The following PAK5 variants were observed in gnomAD, a reference collection of about 807,000 sequenced individuals.
The protein encoded by PAK5 is serine/threonine-protein kinase PAK 5.
PAK5 carries 16 observed loss-of-function variants against 65.9 expected under a neutral mutation model. That is an observed-to-expected ratio of 0.24 (90% CI 0.16 to 0.37). The LOEUF (loss-of-function observed/expected upper bound fraction) is 0.37. PAK5 is among the 10% of genes least tolerant of loss of function. The pLI is 1.00. For synonymous variants in PAK5, 371 were observed against 354.9 expected, an observed-to-expected ratio of 1.05 and a Z score of -0.51; for missense variants, 785 against 903.9, an observed-to-expected ratio of 0.87 and a Z score of 1.69.
intron 2 of PAK5, among the ~76,000 whole-genome samples, chr20:9,708,646 C>T (rs1432052042): frequency 6.6e-6 from 1 of 152,050 alleles, no homozygotes; most frequent in Non-Finnish European, 1.5e-5. Context: ...CTTTCAAAAG[C>T]AAACATCTGG....
intron 4 of PAK5, 28 bp from the exon 5 acceptor site, chr20:9,566,412 A>G (rs2045682065): frequency 1.9e-6 from 3 of 1,599,110 alleles, no homozygotes; most frequent in Non-Finnish European, 1.7e-6. Flanking sequence ...GATAGAGAAT[A>G]TTCACATGCT....
At chr20:9,818,881 T>A (rs759771285) in intron 1 of PAK5, 6 of 152,180 alleles carry the variant, frequency 3.9e-5, no homozygotes, top group Non-Finnish European at 8.8e-5. Flanking sequence ...GTATTGGACA[T>A]CATTTCAACT....
intron 1 of PAK5, chr20:9,784,315 T>C (rs1264675881): frequency 6.6e-6 from 1 of 152,180 alleles, no homozygotes; most frequent in East Asian, 1.9e-4. Context: ...ATGAATTCCA[T>C]TTTGAATATA....
At chr20:9,652,789 C>A (rs1000984932) in intron 2 of PAK5, among the ~76,000 whole-genome samples, 8 of 152,170 alleles carry the variant, frequency 5.3e-5, no homozygotes, top group Admixed American at 2.6e-4. Flanking sequence ...TAATTTCTAC[C>A]ACTGGGATGT....
intron 1 of PAK5, among the ~76,000 whole-genome samples, chr20:9,756,773 T>C (rs1055531894): frequency 1.3e-5 from 2 of 152,122 alleles, no homozygotes; most frequent in Non-Finnish European, 2.9e-5. Flanking sequence ...TTTTGGACAG[T>C]GCTGAACTAA....
intron 3 of PAK5, among the ~76,000 whole-genome samples, chr20:9,635,098 G>A (rs1202052677): frequency 6.6e-6 from 1 of 151,974 alleles, no homozygotes; most frequent in African/African-American, 2.4e-5. Context: ...CTTTTACTTT[G>A]CAATGAAATT....
At chr20:9,767,403 A>G (rs184892502) in intron 1 of PAK5, among the ~76,000 whole-genome samples, 1 of 152,340 alleles carries the variant, frequency 6.6e-6, no homozygotes, top group African/African-American at 2.4e-5. Flanking sequence ...CCTCATTAAA[A>G]GCAGAGTTCC....
At chr20:9,718,794 G>A (rs2048180922) in intron 1 of PAK5, among the ~76,000 whole-genome samples, 1 of 151,974 alleles carries the variant, frequency 6.6e-6, no homozygotes, top group Admixed American at 6.6e-5. Context: ...ATTTTTCTTT[G>A]TGTATACTTT....
chr20:9,823,215 G>A lies in PAK5; in HGVS notation c.-162+15547C>T, dbSNP rs140661690. ...TAGCAACAAGATGCCATCTTGAACA[G>A]AGGAGAAGCCCTTTCCAGACACTGA... On this transcript the variant is annotated intron_variant, in intron 1 of 9. Transcript: ENST00000353224. 4.2e-3 allele frequency among the ~76,000 whole-genome samples: 640 copies of A among 152,322 alleles called. 3 individuals are homozygous for A. The highest frequency in any genetic ancestry group is 0.014 in the Middle Eastern group (4 of 294).
At chr20:9,792,871 A>T (rs149652678) in intron 1 of PAK5, among the ~76,000 whole-genome samples, 556 of 152,238 alleles carry the variant, frequency 3.7e-3, no homozygotes, top group Middle Eastern at 0.01. Context: ...CAAGGATATG[A>T]CTCAATCAAT....
rs963268488 is a variant in PAK5, at chr20:9,537,871, CT to C, written c.*1590del. 47 of 228,040 alleles carry C rather than the reference CT, an allele frequency of 2.1e-4. No individual in the cohort carries two copies. Among genetic ancestry groups the C allele is most frequent in the Non-Finnish European group, 3.7e-4 (42 of 114,712 alleles). 14.1% of individuals were successfully genotyped at this position (228,040 alleles called of 1,614,324 possible). ...TAATCAGTAGAAGGTCATTTTATGC[CT>C]TTTTTCCTTTTTAGCAGTGATAAAT... On this transcript the variant is annotated 3_prime_UTR_variant, in exon 10 of 10. Coordinates refer to ENST00000353224, the MANE Select transcript of PAK5 (RefSeq NM_177990.4).
At position 9,539,303 on chromosome 20, in the gene PAK5, A is replaced by T. The variant is rs1237181086; in HGVS notation, c.*159T>A. 1 of 662,344 alleles carries T rather than the reference A, an allele frequency of 1.5e-6. No homozygotes were observed. The highest frequency in any genetic ancestry group is 2.7e-6 in the Non-Finnish European group (1 of 375,370). 41.0% of individuals were successfully genotyped at this position (662,344 alleles called of 1,614,324 possible). A position where few individuals can be genotyped will look rare whatever the true frequency, so the allele number is the denominator to read the frequency against. The stretch of plus-strand genomic sequence containing the variant: ...GAGAGATGCCTGTTTAAGACACAAG[A>T]AGATGCCCTGGTCTGTTGAACCCTG... On this transcript the variant is annotated 3_prime_UTR_variant, in exon 10 of 10. Coordinates refer to ENST00000353224, the MANE Select transcript of PAK5 (RefSeq NM_177990.4).
At chr20:9,577,047 T>C (rs997230512) in intron 4 of PAK5, among the ~76,000 whole-genome samples, 6 of 152,206 alleles carry the variant, frequency 3.9e-5, no homozygotes, top group Non-Finnish European at 7.3e-5. Flanking sequence ...GCTAGCTTCC[T>C]TCCGTGGAAG....
intron 1 of PAK5, among the ~76,000 whole-genome samples, chr20:9,743,560 T>C (rs1355263279): frequency 6.6e-6 from 1 of 152,102 alleles, no homozygotes; most frequent in Non-Finnish European, 1.5e-5. Context: ...GAAAAGGGGA[T>C]CTTTAGGAAG....
intron 8 of PAK5, among the ~76,000 whole-genome samples, 171 bp downstream of exon 8, chr20:9,544,198 G>A (rs541897495): frequency 3.3e-5 from 5 of 152,280 alleles, no homozygotes; most frequent in African/African-American, 1.2e-4. Context: ...GGGGTGGCCA[G>A]GCTCCCACCT....
chr20:9,606,874 A>G (rs1334505637), intron 3 of PAK5, among the ~76,000 whole-genome samples: 1 of 152,196 alleles, frequency 6.6e-6, no homozygotes, highest in Non-Finnish European at 1.5e-5. Context: ...TTGGTTTTCA[A>G]GCATTGTAGG....
chr20:9,658,260 G>A (rs1002257523), intron 2 of PAK5, among the ~76,000 whole-genome samples: 1 of 152,184 alleles, frequency 6.6e-6, no homozygotes, highest in Non-Finnish European at 1.5e-5. Context: ...GATAATTTGT[G>A]CTGGGTCCAG....
intron 1 of PAK5, among the ~76,000 whole-genome samples, chr20:9,712,465 C>A (rs1001965629): frequency 2.0e-5 from 3 of 151,948 alleles, no homozygotes; most frequent in Admixed American, 1.3e-4. Context: ...AGACAAATTC[C>A]AGCAATCTTA....
intron 2 of PAK5, among the ~76,000 whole-genome samples, chr20:9,683,722 GT>G (rs1013282783): frequency 4.0e-5 from 6 of 151,732 alleles, no homozygotes; most frequent in African/African-American, 1.5e-4. Context: ...ACCTTTTTTT[GT>G]TTTGTTTTGT....
Sources: gnomAD v4.1 joint callset for allele counts (sites outside exome capture counted in the v4.1 genomes callset) on GRCh38, gnomAD v4.1.1 for gene constraint, MANE v1.5 for transcripts, NCBI Gene and HGNC (gene_info 2026-07-23, HGNC 2026-07-21) for gene names.